Variants in CADPS2 observed in about 807,000 individuals in gnomAD.
The protein encoded by CADPS2 is calcium dependent secretion activator 2, also known as calcium-dependent secretion activator 2.
Under a neutral mutation model 172.5 loss-of-function variants are expected in CADPS2, and 93 were observed. The observed-to-expected ratio is 0.54, with a 90% CI of 0.46 to 0.64. The LOEUF (loss-of-function observed/expected upper bound fraction) is 0.64, where lower values mean the gene tolerates loss of function less well. Ranked by LOEUF, CADPS2 falls within the 30% of genes least tolerant of loss-of-function variation. CADPS2 has a pLI of 0.00. For synonymous variants in CADPS2, 546 were observed against 555.2 expected (o/e 0.98, Z 0.23); for missense variants, 1,420 against 1,565.9 (o/e 0.91, Z 1.57).
At chr7:122,742,671 T>G (rs1047673393) in intron 1 of CADPS2, among the ~76,000 whole-genome samples, 1 of 152,190 alleles carries the variant, frequency 6.6e-6, no homozygotes, top group Admixed American at 6.5e-5. Context: ...ACTTACATTG[T>G]GCTTATAATC....
intron 2 of CADPS2, among the ~76,000 whole-genome samples, chr7:122,725,015 C>G (rs968246266): frequency 6.6e-6 from 1 of 151,882 alleles, no homozygotes; most frequent in Non-Finnish European, 1.5e-5. Context: ...AACTCATTAA[C>G]AAAGTTTAAA....
chr7:122,471,049 T>A (rs1406449613), intron 14 of CADPS2, among the ~76,000 whole-genome samples: 1 of 152,140 alleles, frequency 6.6e-6, no homozygotes, highest in Non-Finnish European at 1.5e-5. Context: ...CAGGTATGCA[T>A]TACAATAGGA....
intron 2 of CADPS2, among the ~76,000 whole-genome samples, chr7:122,705,344 C>G (rs535253224): frequency 6.7e-6 from 1 of 149,534 alleles, no homozygotes; most frequent in African/African-American, 2.5e-5. Flanking sequence ...TTCTTTCTAA[C>G]AGCCAAATAT....
intron 1 of CADPS2, among the ~76,000 whole-genome samples, chr7:122,738,512 T>G (rs1046127551): frequency 1.3e-5 from 2 of 152,082 alleles, no homozygotes; most frequent in African/African-American, 2.4e-5. Context: ...TCCATTTCAT[T>G]CGATCCTGAT....
intron 25 of CADPS2, among the ~76,000 whole-genome samples, chr7:122,377,464 T>C (rs2042490148): frequency 6.6e-6 from 1 of 152,144 alleles, no homozygotes; most frequent in Non-Finnish European, 1.5e-5. Flanking sequence ...TTATATCATC[T>C]ATAGCTAGCA....
intron 1 of CADPS2, chr7:122,850,265 G>C: frequency 1.2e-6 from 1 of 832,942 alleles, no homozygotes; most frequent in Non-Finnish European, 1.7e-6. Context: ...TCCACTGGGG[G>C]CCCCAGGACT....
chr7:122,881,476 T>C (rs998296947), intron 1 of CADPS2, among the ~76,000 whole-genome samples: 3 of 152,218 alleles, frequency 2.0e-5, no homozygotes, highest in South Asian at 2.1e-4. Context: ...GAGGTTTTAC[T>C]TTAATACGTG....
chr7:122,661,681 TA>T (rs1159251862), intron 3 of CADPS2, among the ~76,000 whole-genome samples: 1 of 152,160 alleles, frequency 6.6e-6, no homozygotes, highest in Admixed American at 6.5e-5. Flanking sequence ...TTCTTGGACT[TA>T]TCAAGTCTTA....
intron 5 of CADPS2, among the ~76,000 whole-genome samples, chr7:122,621,193 T>A (rs956429043): frequency 6.6e-6 from 1 of 152,082 alleles, no homozygotes; most frequent in Non-Finnish European, 1.5e-5. Context: ...TGAGCCCCAA[T>A]GCTCATCTTA....
intron 8 of CADPS2, among the ~76,000 whole-genome samples, chr7:122,528,110 A>AGTGGTGGTGGTGGTGGTGGTGGTG (rs71159802): frequency 1.5e-5 from 2 of 130,042 alleles, no homozygotes; most frequent in East Asian, 2.6e-4. Flanking sequence ...TGAAGGCATT[A>AGTGGTGGTGGTGGTGGTGGTGGTG]GTGGTGGTGG....
intron 1 of CADPS2, among the ~76,000 whole-genome samples, chr7:122,837,166 T>C (rs1477440395): frequency 1.3e-5 from 2 of 152,158 alleles, no homozygotes; most frequent in Non-Finnish European, 2.9e-5. Context: ...AACAACCTGC[T>C]CCTGAATGAC....
chr7:122,813,048 C>T (rs1317032062), intron 1 of CADPS2, among the ~76,000 whole-genome samples: 1 of 152,110 alleles, frequency 6.6e-6, no homozygotes, highest in African/African-American at 2.4e-5. Flanking sequence ...GCCTCAATAA[C>T]AGGACTGAGG....
At chr7:122,703,667 T>C (rs1213706677) in intron 2 of CADPS2, among the ~76,000 whole-genome samples, 2 of 152,174 alleles carry the variant, frequency 1.3e-5, no homozygotes. Context: ...TGTAGGGTTC[T>C]AAGCCAGGGA....
chr7:122,721,993 C>T (rs13224171), intron 2 of CADPS2, among the ~76,000 whole-genome samples: 7,362 of 152,162 alleles, frequency 0.048, 236 homozygotes, highest in African/African-American at 0.05. Context: ...ATTCAACAAC[C>T]CTTCATGCTA....
At chr7:122,750,916 G>C (rs1414041989) in intron 1 of CADPS2, among the ~76,000 whole-genome samples, 1 of 152,100 alleles carries the variant, frequency 6.6e-6, no homozygotes, top group Non-Finnish European at 1.5e-5. Flanking sequence ...TCTACTAAAA[G>C]CTGAGGAGAG....
chr7:122,525,964 T>C (rs1438612032), intron 8 of CADPS2, among the ~76,000 whole-genome samples: 3 of 152,126 alleles, frequency 2.0e-5, no homozygotes, highest in East Asian at 1.9e-4. Flanking sequence ...CTGTCATATA[T>C]GCCATCAGTC....
intron 17 of CADPS2, among the ~76,000 whole-genome samples, chr7:122,431,635 C>T (rs901111936): frequency 1.4e-4 from 21 of 152,284 alleles, no homozygotes; most frequent in East Asian, 1.9e-4. Flanking sequence ...ACTGTAGACA[C>T]ACTACATAAC....
At chr7:122,626,734 C>A (rs2076126439) in intron 4 of CADPS2, among the ~76,000 whole-genome samples, 1 of 152,198 alleles carries the variant, frequency 6.6e-6, no homozygotes, top group Admixed American at 6.5e-5. Flanking sequence ...GCTAAGACTG[C>A]ACCTGGCTGT....
chr7:122,527,904 G>A (rs1412801931), intron 8 of CADPS2, among the ~76,000 whole-genome samples: 1 of 152,198 alleles, frequency 6.6e-6, no homozygotes, highest in Non-Finnish European at 1.5e-5. Flanking sequence ...TAATGAGAGA[G>A]ACAGACAAAC....
Sources: allele counts gnomAD v4.1 joint callset (sites outside exome capture counted in the v4.1 genomes callset), GRCh38; gene constraint gnomAD v4.1.1; transcripts MANE v1.5; gene names NCBI Gene and HGNC (gene_info 2026-07-23, HGNC 2026-07-21).